The following DST variants were observed in gnomAD, a reference collection of about 807,000 sequenced individuals.
DST encodes the protein bullous pemphigoid antigen.
Under a neutral mutation model 875.2 loss-of-function variants are expected in DST, and 253 were observed. The observed-to-expected ratio is 0.29, with a 90% CI of 0.26 to 0.32. The LOEUF is 0.32. Among genes scored for constraint, DST ranks in the 10% least tolerant of loss-of-function variants. The pLI is 1.00. For synonymous variants in DST, 3,124 were observed against 3,197.1 expected, an observed-to-expected ratio of 0.98 and a Z score of 0.77; for missense variants, 8,287 against 9,111.6, an observed-to-expected ratio of 0.91 and a Z score of 3.68.
Position 56,604,799 on chromosome 6 carries a change from G to A in DST, c.9829C>T (p.Arg3277Cys), listed in dbSNP as rs373292723. The change falls in exon 40 of 104, where the codon CGT becomes TGT. Residue 3277 changes from arginine (R) to cysteine (C), a missense_variant. Coordinates refer to ENST00000680361, the MANE Select transcript of DST (RefSeq NM_001374736.1). ...SIEATLSILSRKHVEDVGKND... is the reference protein window; with the variant it reads ...SIEATLSILSCKHVEDVGKND... ...TTCCCAACATCTTCTACATGTTTACGAGATAATATTGAAAGTGTGGCTTCA... is the reference window on the plus strand; with the variant it reads ...TTCCCAACATCTTCTACATGTTTACAAGATAATATTGAAAGTGTGGCTTCA... The A allele has an allele frequency of 8.4e-5, 135 of 1,612,612 alleles. No homozygotes were observed. Among genetic ancestry groups the A allele is most frequent in the African/African-American group, 6.7e-4 (50 of 74,894 alleles).
intron 9 of DST, among the ~76,000 whole-genome samples, chr6:56,671,093 A>G (rs1181852732): frequency 6.6e-6 from 1 of 152,234 alleles, no homozygotes; most frequent in Non-Finnish European, 1.5e-5. Flanking sequence ...TAGGAAATAA[A>G]TAAATTTTAT....
intron 5 of DST, 27 bp downstream of exon 5, chr6:56,735,201 C>G: frequency 1.4e-6 from 2 of 1,460,972 alleles, no homozygotes; most frequent in Non-Finnish European, 1.9e-6. Flanking sequence ...CAAACAATTC[C>G]AGGAAGTGAA....
intron 39 of DST, 32 bp from the exon 40 acceptor site, chr6:56,609,376 T>C (rs559078482): frequency 1.9e-5 from 29 of 1,500,340 alleles, no homozygotes; most frequent in Non-Finnish European, 2.3e-5. Context: ...CTCAGGTCAC[T>C]CTGTTACACA....
chr6:56,607,368 A>G lies in DST; in HGVS notation c.7260T>C (p.Asp2420=). The G allele has an allele frequency of 6.2e-7, 1 of 1,612,902 alleles. No homozygotes were observed. Among genetic ancestry groups the G allele is most frequent in the African/African-American group, 1.3e-5 (1 of 75,002 alleles). ...FCGVNETENE[D]NTNRDSPIFD... ...AGATAGGTGAATCCCTGTTTGTATTATCTTCATTCTCTGTTTCATTCACAC... is the reference window on the plus strand; with the variant it reads ...AGATAGGTGAATCCCTGTTTGTATTGTCTTCATTCTCTGTTTCATTCACAC... The change falls in exon 40 of 104, where the codon GAT becomes GAC. Residue 2420 remains aspartate, a synonymous_variant. Coordinates refer to ENST00000680361, the MANE Select transcript of DST (RefSeq NM_001374736.1).
rs1376147513 is a variant in DST at position 56,641,928 on chromosome 6, G to C, written c.2027+19C>G. On this transcript the variant is annotated intron_variant, in intron 17 of 103. Transcript: ENST00000680361. ...GTTACACAAAAAAAGGACAGAGAAAGAATAAGTAGCACTCTTACCTCTGTA... is the reference window on the plus strand; with the variant it reads ...GTTACACAAAAAAAGGACAGAGAAACAATAAGTAGCACTCTTACCTCTGTA... 6.3e-7 allele frequency: 1 copy of C among 1,576,094 alleles called. No individual in the cohort carries two copies. Among genetic ancestry groups the C allele is most frequent in the African/African-American group, 1.4e-5 (1 of 73,448 alleles).
At chr6:56,476,482 TG>T (rs1275847807) in intron 91 of DST, 145 bp from the exon 92 acceptor site, 1 of 671,842 alleles carries the variant, frequency 1.5e-6, no homozygotes, top group African/African-American at 1.8e-5. Context: ...ATTCCATTAG[TG>T]GCATCAAGAT....
chr6:56,546,355 T>TATATATATATATATTTC (rs1172323912), intron 61 of DST, among the ~76,000 whole-genome samples: 11 of 51,570 alleles, frequency 2.1e-4, no homozygotes, highest in African/African-American at 1.1e-3. Flanking sequence ...TTCATATATA[T>TATATATATATATATTTC]ATATATATAT....
chr6:56,569,758 A>T lies in DST; in HGVS notation c.13878+98T>A. ...ATATACAGTACATATATGAGGATAA[A>T]ACTTAGATGATATTAGATCAAAGAA... On this transcript the variant is annotated intron_variant, in intron 54 of 103. Transcript: ENST00000680361. The T allele has an allele frequency of 3.6e-6, 4 of 1,110,964 alleles. No individual in the cohort carries two copies. The South Asian group carries it at 5.9e-5, about 17-fold the overall frequency. The allele number at this position is 1,110,964 out of a possible 1,614,324, so 68.8% of individuals were successfully genotyped here. A position where few individuals can be genotyped will look rare whatever the true frequency, so the allele number is the denominator to read the frequency against.
At chr6:56,580,725 CTTTTTTTTT>C (rs1167715487) in intron 49 of DST, among the ~76,000 whole-genome samples, 1 of 121,038 alleles carries the variant, frequency 8.3e-6, no homozygotes, top group African/African-American at 3.1e-5. Flanking sequence ...TTTACTTTTT[CTTTTTTTTT>C]TTTTTTTTTG....
intron 5 of DST, among the ~76,000 whole-genome samples, chr6:56,717,912 TA>T (rs2099400758): frequency 6.6e-6 from 1 of 152,158 alleles, no homozygotes; most frequent in Admixed American, 6.5e-5. Context: ...TCTACATGTA[TA>T]AAACTCTTCT....
intron 4 of DST, among the ~76,000 whole-genome samples, chr6:56,830,845 C>G (rs1376384160): frequency 1.3e-5 from 2 of 152,136 alleles, no homozygotes; most frequent in Non-Finnish European, 2.9e-5. Context: ...TACTTCTCAC[C>G]ACATATATTA....
chr6:56,473,727 G>A (rs2095022179), intron 93 of DST, 146 bp downstream of exon 93: 1 of 699,646 alleles, frequency 1.4e-6, no homozygotes, highest in Non-Finnish European at 2.3e-6. Flanking sequence ...CAATACTTGA[G>A]CACACGTATT....
chr6:56,722,407 G>A (rs956381552), intron 5 of DST, among the ~76,000 whole-genome samples: 7 of 136,512 alleles, frequency 5.1e-5, no homozygotes, highest in Non-Finnish European at 7.4e-5. Context: ...TTTTTGAGAC[G>A]AAGTCTCACT....
At chr6:56,486,362 CAAAAAAAAAAAAAAAAA>C (rs61164880) in intron 87 of DST, among the ~76,000 whole-genome samples, 1 of 34,042 alleles carries the variant, frequency 2.9e-5, no homozygotes, top group Non-Finnish European at 5.6e-5. Context: ...GACTCCGTCT[CAAAAAAAAAAAAAAAAA>C]AAAAAAAAGG....
rs370152865 is a variant in DST at position 56,604,529 on chromosome 6, G to T, written c.10099C>A (p.His3367Asn). The change falls in exon 40 of 104, where the codon CAT becomes AAT. Residue 3367 changes from histidine to asparagine, a missense_variant. This residue lies in a region of DST where 3,138 missense variants were observed against 3,116.6 expected (regional missense o/e 1.01). Transcript: ENST00000680361. ...TCTTCAACCTCTTGAGGGTTCATAT[G>T]ACCTTCTTTCAACCTGCTTTTTAAG... ...DILKSRLKEG[H>N]MNPQEVEEPS... is the part of the protein sequence containing the mutation. The T allele has an allele frequency of 2.0e-4, 324 of 1,612,430 alleles. No individual in the cohort carries two copies. The highest frequency in any genetic ancestry group is 2.5e-4 in the Non-Finnish European group (296 of 1,179,072).
chr6:56,701,808 TGTC>T (rs2099309108), intron 8 of DST, 77 bp downstream of exon 8: 4 of 868,248 alleles, frequency 4.6e-6, no homozygotes, highest in Non-Finnish European at 5.5e-6. Flanking sequence ...AATTTAACCT[TGTC>T]ATTCCTTGAC....
intron 90 of DST, among the ~76,000 whole-genome samples, chr6:56,479,396 C>T (rs1358166280): frequency 2.0e-5 from 3 of 152,140 alleles, no homozygotes; most frequent in Non-Finnish European, 4.4e-5. Context: ...ATTAGAACTA[C>T]CATTTGACCC....
chr6:56,542,643 A>G (rs2097150057), intron 61 of DST: 1 of 152,474 alleles, frequency 6.6e-6, no homozygotes, highest in Admixed American at 6.5e-5. Flanking sequence ...TATGGCCTTC[A>G]TTTCAGCTGG....
intron 9 of DST, among the ~76,000 whole-genome samples, chr6:56,691,071 T>A (rs572560065): frequency 6.6e-6 from 1 of 152,184 alleles, no homozygotes; most frequent in Non-Finnish European, 1.5e-5. Context: ...TATTTCCACA[T>A]ATATTTTCCA....
Sources: gnomAD v4.1 joint callset for allele counts (sites outside exome capture counted in the v4.1 genomes callset) on GRCh38, gnomAD v4.1.1 for gene constraint, gnomAD v4.1.1 regional missense constraint, MANE v1.5 for transcripts, NCBI Gene and HGNC (gene_info 2026-07-23, HGNC 2026-07-21) for gene names.